Variants in PDE4D observed in about 807,000 individuals in gnomAD.
The protein encoded by PDE4D is 3',5'-cyclic-AMP phosphodiesterase 4D.
Under a neutral mutation model 87.4 loss-of-function variants are expected in PDE4D, and 24 were observed. The observed-to-expected ratio is 0.27, with a 90% CI of 0.20 to 0.39. The LOEUF (loss-of-function observed/expected upper bound fraction) is 0.39. Ranked by LOEUF, PDE4D falls within the 10% of genes least tolerant of loss-of-function variation. The pLI, the probability that PDE4D is intolerant of heterozygous loss-of-function variation, is 1.00. For missense variants in PDE4D, 714 were observed against 1,041.0 expected, an observed-to-expected ratio of 0.69 and a Z score of 4.32; for synonymous variants, 384 against 383.2, an observed-to-expected ratio of 1.00 and a Z score of -0.02.
intron 5 of PDE4D, among the ~76,000 whole-genome samples, chr5:59,059,749 C>T (rs1304646979): frequency 1.3e-5 from 2 of 152,120 alleles, no homozygotes; most frequent in South Asian, 2.1e-4. Context: ...TTCCTGAACA[C>T]CATGGCTACT....
intron 1 of PDE4D, among the ~76,000 whole-genome samples, chr5:59,568,164 A>C (rs1408969224): frequency 6.6e-6 from 1 of 152,188 alleles, no homozygotes; most frequent in Non-Finnish European, 1.5e-5. Flanking sequence ...ATCAAAACAA[A>C]ACAAACAAAA....
intron 6 of PDE4D, among the ~76,000 whole-genome samples, chr5:59,011,310 GAGA>G (rs1436221197): frequency 2.0e-5 from 3 of 152,206 alleles, no homozygotes; most frequent in Non-Finnish European, 4.4e-5. Context: ...GACAAGCTGA[GAGA>G]AGAAGGCTTC....
chr5:60,189,181 A>G (rs1785018916), intron 1 of PDE4D, among the ~76,000 whole-genome samples: 1 of 152,348 alleles, frequency 6.6e-6, no homozygotes, highest in Admixed American at 6.5e-5. Flanking sequence ...CTGCAGGGAG[A>G]ACACTTTAGA....
chr5:60,039,270 T>G (rs892201737), intron 2 of PDE4D, among the ~76,000 whole-genome samples: 2 of 151,946 alleles, frequency 1.3e-5, no homozygotes, highest in African/African-American at 4.8e-5. Context: ...AAAAAATGAG[T>G]TCATGTCCTT....
chr5:59,174,444 A>G (rs1392244101), intron 5 of PDE4D: 4 of 152,642 alleles, frequency 2.6e-5, no homozygotes, highest in African/African-American at 9.6e-5. Flanking sequence ...ACAGGTAAAG[A>G]GCAGGCAGCT....
intron 1 of PDE4D, among the ~76,000 whole-genome samples, chr5:60,203,765 C>A (rs1001258040): frequency 6.6e-6 from 1 of 152,068 alleles, no homozygotes; most frequent in East Asian, 1.9e-4. Context: ...GTGCAGGTAT[C>A]CATGCCTTAA....
At chr5:60,179,279 T>C (rs1341970409) in intron 2 of PDE4D, among the ~76,000 whole-genome samples, 1 of 152,080 alleles carries the variant, frequency 6.6e-6, no homozygotes, top group Non-Finnish European at 1.5e-5. Flanking sequence ...GTCATGGCTT[T>C]TAATTTGCAC....
upstream of PDE4D, among the ~76,000 whole-genome samples, chr5:59,898,295 A>G (rs1293361005): frequency 6.6e-6 from 1 of 152,206 alleles, no homozygotes; most frequent in Non-Finnish European, 1.5e-5. Flanking sequence ...ACTGTGTGCT[A>G]ATTCTCAGGA....
At chr5:60,308,171 T>C (rs1292450524) in intron 1 of PDE4D, among the ~76,000 whole-genome samples, 2 of 152,228 alleles carry the variant, frequency 1.3e-5, no homozygotes, top group African/African-American at 2.4e-5. Context: ...TCTCATAAAA[T>C]GCCATTGAGA....
At chr5:59,305,492 A>C (rs2153562528) in intron 1 of PDE4D, among the ~76,000 whole-genome samples, 1 of 151,610 alleles carries the variant, frequency 6.6e-6, no homozygotes, top group East Asian at 2.0e-4. Context: ...GTGTGACTGT[A>C]GATTGTCTTT....
chr5:59,305,970 A>G (rs1002101132), intron 1 of PDE4D, among the ~76,000 whole-genome samples: 12 of 152,142 alleles, frequency 7.9e-5, no homozygotes, highest in South Asian at 2.1e-4. Flanking sequence ...TGACCTGTCT[A>G]GTGCTGTCAG....
chr5:59,595,442 C>T (rs1267674519), intron 1 of PDE4D, among the ~76,000 whole-genome samples: 1 of 152,156 alleles, frequency 6.6e-6, no homozygotes, highest in African/African-American at 2.4e-5. Flanking sequence ...AGTCAGTATA[C>T]TTCTTTCCAG....
intron 1 of PDE4D, among the ~76,000 whole-genome samples, chr5:59,823,137 T>C (rs1208272696): frequency 6.6e-6 from 1 of 152,200 alleles, no homozygotes; most frequent in Admixed American, 6.5e-5. Flanking sequence ...TGCTTTGTGC[T>C]GTGTCTCTTC....
chr5:59,672,304 G>A (rs1033532514), intron 1 of PDE4D, among the ~76,000 whole-genome samples: 1 of 152,188 alleles, frequency 6.6e-6, no homozygotes, highest in African/African-American at 2.4e-5. Flanking sequence ...TTAGGGCTCA[G>A]AGATAATTAT....
intron 1 of PDE4D, among the ~76,000 whole-genome samples, chr5:60,377,772 T>G (rs532353751): frequency 6.6e-6 from 1 of 152,070 alleles, no homozygotes; most frequent in African/African-American, 2.4e-5. Flanking sequence ...TGACGTTTCA[T>G]CATGCTGAAA....
chr5:60,180,441 G>A (rs1460005774), intron 2 of PDE4D, among the ~76,000 whole-genome samples: 1 of 152,166 alleles, frequency 6.6e-6, no homozygotes. Context: ...TGCAAATACA[G>A]AGAGACTTCA....
chr5:59,302,886 C>T (rs1238447972), intron 1 of PDE4D, among the ~76,000 whole-genome samples: 1 of 152,104 alleles, frequency 6.6e-6, no homozygotes, highest in Admixed American at 6.5e-5. Context: ...TTCTTTTCCT[C>T]TGGGTAGATA....
chr5:59,003,284 A>G (rs2055298), intron 6 of PDE4D, among the ~76,000 whole-genome samples: 15,747 of 152,066 alleles, frequency 0.1, 1,294 homozygotes, highest in East Asian at 0.47. Flanking sequence ...TTAATCCCCA[A>G]CGCCAAGCCT....
At chr5:59,482,977 C>T (rs762074316) in intron 1 of PDE4D, among the ~76,000 whole-genome samples, 10 of 152,092 alleles carry the variant, frequency 6.6e-5, no homozygotes, top group East Asian at 1.9e-4. Flanking sequence ...CTGAGGAAAG[C>T]GGTTACTCTC....
Sources: gnomAD v4.1 joint callset for allele counts (sites outside exome capture counted in the v4.1 genomes callset) on GRCh38, gnomAD v4.1.1 for gene constraint, MANE v1.5 for transcripts, NCBI Gene and HGNC (gene_info 2026-07-23, HGNC 2026-07-21) for gene names.